The following ASTN2 variants were observed in gnomAD, a reference collection of about 807,000 sequenced individuals.
The protein encoded by ASTN2 is astrotactin 2, also known as astrotactin-2.
ASTN2 carries 54 observed loss-of-function variants against 139.8 expected under a neutral mutation model. The observed-to-expected ratio is 0.39, with a 90% CI of 0.31 to 0.48. The LOEUF is 0.48. Among genes scored for constraint, ASTN2 ranks in the 20% least tolerant of loss-of-function variants. The pLI is 0.95. For missense variants in ASTN2, 1,565 were observed against 1,725.1 expected (o/e 0.91, Z 1.64); for synonymous variants, 756 against 719.5 (o/e 1.05, Z -0.81).
At chr9:116,977,284 C>A (rs1836367035) in intron 7 of ASTN2, among the ~76,000 whole-genome samples, 1 of 152,174 alleles carries the variant, frequency 6.6e-6, no homozygotes, top group Non-Finnish European at 1.5e-5. Context: ...TTCAGAAAAA[C>A]CTGTCTGTAG....
intron 10 of ASTN2, among the ~76,000 whole-genome samples, chr9:116,881,870 CT>C (rs1281477992): frequency 6.6e-6 from 1 of 152,132 alleles, no homozygotes; most frequent in Non-Finnish European, 1.5e-5. Context: ...ATTTCATTTG[CT>C]GGATAAGAAC....
intron 2 of ASTN2, among the ~76,000 whole-genome samples, chr9:117,283,215 T>A (rs1834367844): frequency 6.6e-6 from 1 of 152,176 alleles, no homozygotes; most frequent in African/African-American, 2.4e-5. Flanking sequence ...CTAAATGTTG[T>A]GAAAAATAAG....
At chr9:117,119,549 C>T (rs1442277673) in intron 4 of ASTN2, among the ~76,000 whole-genome samples, 1 of 152,206 alleles carries the variant, frequency 6.6e-6, no homozygotes, top group Non-Finnish European at 1.5e-5. Context: ...AGCTTGCAAT[C>T]AAGCCTACCC....
intron 19 of ASTN2, among the ~76,000 whole-genome samples, chr9:116,511,103 A>T (rs1156977768): frequency 1.3e-5 from 2 of 152,038 alleles, no homozygotes; most frequent in Non-Finnish European, 2.9e-5. Context: ...GAATGCTTCC[A>T]TTTTTTGCCC....
chr9:116,528,835 G>A (rs893969183), intron 19 of ASTN2, among the ~76,000 whole-genome samples: 1 of 152,196 alleles, frequency 6.6e-6, no homozygotes. Context: ...CAAGCCCCAC[G>A]TCTTGGTGGC....
chr9:116,961,396 G>A (rs1012302140), intron 10 of ASTN2, among the ~76,000 whole-genome samples: 7 of 151,848 alleles, frequency 4.6e-5, no homozygotes, highest in Admixed American at 1.3e-4. Flanking sequence ...CCAACTCTCC[G>A]CAACCACTAT....
At chr9:117,317,369 A>G (rs1395318138) in intron 1 of ASTN2, among the ~76,000 whole-genome samples, 1 of 152,198 alleles carries the variant, frequency 6.6e-6, no homozygotes, top group African/African-American at 2.4e-5. Flanking sequence ...AATGGAACTT[A>G]GGGGTGGCCC....
chr9:117,227,548 A>G (rs1161378053), intron 2 of ASTN2, among the ~76,000 whole-genome samples: 1 of 152,176 alleles, frequency 6.6e-6, no homozygotes, highest in Non-Finnish European at 1.5e-5. Flanking sequence ...GTCTCTCAGA[A>G]TGGTTTAGTA....
chr9:117,252,357 C>T (rs1020428559), intron 2 of ASTN2, among the ~76,000 whole-genome samples: 2 of 152,218 alleles, frequency 1.3e-5, no homozygotes, highest in Non-Finnish European at 2.9e-5. Context: ...TAAGAAGATG[C>T]TGCAAGTAAC....
intron 10 of ASTN2, among the ~76,000 whole-genome samples, chr9:116,941,349 T>A (rs1184696872): frequency 6.6e-6 from 1 of 152,078 alleles, no homozygotes; most frequent in East Asian, 1.9e-4. Context: ...AATTTTAGAT[T>A]TACAGAAGAG....
At chr9:117,329,428 G>A (rs1449748428) in intron 1 of ASTN2, among the ~76,000 whole-genome samples, 1 of 152,000 alleles carries the variant, frequency 6.6e-6, no homozygotes, top group Non-Finnish European at 1.5e-5. Context: ...AATGTAGACA[G>A]GAAAGGAAAG....
At chr9:116,622,663 T>C (rs1490322901) in intron 17 of ASTN2, among the ~76,000 whole-genome samples, 3 of 152,252 alleles carry the variant, frequency 2.0e-5, no homozygotes, top group Admixed American at 2.0e-4. Flanking sequence ...TTCTGAGCCA[T>C]GGGATTAATC....
chr9:116,855,335 C>CTACTCCTGATTGAGGAGA (rs1832712717), intron 11 of ASTN2, among the ~76,000 whole-genome samples: 1 of 152,210 alleles, frequency 6.6e-6, no homozygotes, highest in African/African-American at 2.4e-5. Flanking sequence ...GATTGAGGAG[C>CTACTCCTGATTGAGGAGA]TACTCCCTCC....
At chr9:117,176,928 A>G (rs1830932703) in intron 3 of ASTN2, among the ~76,000 whole-genome samples, 3 of 152,220 alleles carry the variant, frequency 2.0e-5, no homozygotes, top group Non-Finnish European at 4.4e-5. Context: ...TGTCTCTAAA[A>G]AATAAAGAAT....
At chr9:117,379,841 T>C (rs1193500040) in intron 1 of ASTN2, among the ~76,000 whole-genome samples, 1 of 152,222 alleles carries the variant, frequency 6.6e-6, no homozygotes, top group Non-Finnish European at 1.5e-5. Context: ...GGAATTTCCA[T>C]TAACATGGCT....
intron 11 of ASTN2, among the ~76,000 whole-genome samples, chr9:116,856,411 C>G (rs1263602304): frequency 1.3e-5 from 2 of 152,218 alleles, no homozygotes; most frequent in Non-Finnish European, 2.9e-5. Context: ...GTCAGCAGTG[C>G]CTGGGCTGTG....
chr9:116,569,832 A>G (rs2131685073), intron 19 of ASTN2, among the ~76,000 whole-genome samples: 1 of 152,280 alleles, frequency 6.6e-6, no homozygotes, highest in African/African-American at 2.4e-5. Context: ...CCAGACCCAG[A>G]AACTGGAGCA....
intron 19 of ASTN2, among the ~76,000 whole-genome samples, chr9:116,597,891 T>G (rs1007312949): frequency 6.6e-6 from 1 of 152,166 alleles, no homozygotes; most frequent in Non-Finnish European, 1.5e-5. Flanking sequence ...ATGTCAGCTG[T>G]GCCTGAGGCT....
At chr9:117,099,206 T>C (rs1828914061) in intron 4 of ASTN2, among the ~76,000 whole-genome samples, 2 of 152,172 alleles carry the variant, frequency 1.3e-5, no homozygotes, top group African/African-American at 4.8e-5. Context: ...CATTCTCTTA[T>C]GTTCAGAAAA....
Sources: allele counts gnomAD v4.1 joint callset (sites outside exome capture counted in the v4.1 genomes callset), GRCh38; gene constraint gnomAD v4.1.1; transcripts MANE v1.5; gene names NCBI Gene and HGNC (gene_info 2026-07-23, HGNC 2026-07-21).